KCNQ3: variants seen among roughly 807,000 people sequenced by gnomAD.
KCNQ3 encodes the protein potassium voltage-gated channel subfamily Q member 3.
KCNQ3 carries 30 observed loss-of-function variants against 92.5 expected under a neutral mutation model. The observed-to-expected ratio is 0.32, with a 90% confidence interval of 0.24 to 0.44. The LOEUF (loss-of-function observed/expected upper bound fraction) is 0.44, where lower values mean the gene tolerates loss of function less well. Ranked by LOEUF, KCNQ3 falls within the 20% of genes least tolerant of loss-of-function variation. KCNQ3 has a pLI of 1.00. For missense variants in KCNQ3, 913 were observed against 1,140.3 expected (o/e 0.80, Z 2.87); for synonymous variants, 450 against 468.8 (o/e 0.96, Z 0.52).
intron 1 of KCNQ3, among the ~76,000 whole-genome samples, chr8:132,283,286 C>T (rs1027447428): frequency 6.6e-6 from 1 of 152,014 alleles, no homozygotes; most frequent in Non-Finnish European, 1.5e-5. Context: ...GGTTCTCCAG[C>T]ATATAGTCCA....
At chr8:132,288,966 T>G (rs141676028) in intron 1 of KCNQ3, among the ~76,000 whole-genome samples, 7 of 152,322 alleles carry the variant, frequency 4.6e-5, no homozygotes, top group African/African-American at 1.7e-4. Context: ...TTATACTACA[T>G]GTGATACAAG....
chr8:132,454,366 G>A (rs1389271846), intron 1 of KCNQ3, among the ~76,000 whole-genome samples: 2 of 152,222 alleles, frequency 1.3e-5, no homozygotes, highest in Non-Finnish European at 2.9e-5. Context: ...TGTACAGTGT[G>A]CCCGGAGTGT....
chr8:132,348,170 C>T (rs1818753735), intron 1 of KCNQ3, among the ~76,000 whole-genome samples: 1 of 151,814 alleles, frequency 6.6e-6, no homozygotes, highest in Non-Finnish European at 1.5e-5. Context: ...CTCTAAGTCC[C>T]ACCCTAGGAG....
At chr8:132,387,677 A>G (rs1376084190) in intron 1 of KCNQ3, among the ~76,000 whole-genome samples, 1 of 152,182 alleles carries the variant, frequency 6.6e-6, no homozygotes, top group Non-Finnish European at 1.5e-5. Context: ...TCAGTAAATA[A>G]AGACCTCTTA....
chr8:132,264,798 T>C (rs1442493613), intron 1 of KCNQ3, among the ~76,000 whole-genome samples: 1 of 152,236 alleles, frequency 6.6e-6, no homozygotes, highest in African/African-American at 2.4e-5. Context: ...GGATAATAAC[T>C]TACAGGGTTT....
chr8:132,241,493 G>A (rs984024612), intron 1 of KCNQ3, among the ~76,000 whole-genome samples: 2 of 151,968 alleles, frequency 1.3e-5, no homozygotes, highest in Non-Finnish European at 2.9e-5. Context: ...TGTCTCCCAG[G>A]TTCTCCTACA....
chr8:132,231,495 CA>C (rs1814647336), intron 1 of KCNQ3, among the ~76,000 whole-genome samples: 1 of 152,110 alleles, frequency 6.6e-6, no homozygotes, highest in African/African-American at 2.4e-5. Context: ...AATAAAGACA[CA>C]AAGGTGATCC....
chr8:132,189,046 C>G (rs985804935), intron 1 of KCNQ3, among the ~76,000 whole-genome samples: 5 of 152,174 alleles, frequency 3.3e-5, no homozygotes, highest in African/African-American at 7.2e-5. Flanking sequence ...TATGATCTAG[C>G]CTTGCCCTCC....
chr8:132,157,794 C>T (rs1825850988), intron 9 of KCNQ3, among the ~76,000 whole-genome samples: 1 of 152,084 alleles, frequency 6.6e-6, no homozygotes, highest in South Asian at 2.1e-4. Flanking sequence ...GCCCCACATA[C>T]ATTAGGTATT....
At chr8:132,230,081 T>G (rs1414608354) in intron 1 of KCNQ3, among the ~76,000 whole-genome samples, 3 of 152,148 alleles carry the variant, frequency 2.0e-5, no homozygotes, top group Non-Finnish European at 4.4e-5. Context: ...TTTCTCTGCC[T>G]CAGGGCCATG....
At chr8:132,303,264 C>A (rs991163053) in intron 1 of KCNQ3, among the ~76,000 whole-genome samples, 9 of 151,982 alleles carry the variant, frequency 5.9e-5, no homozygotes, top group African/African-American at 2.2e-4. Flanking sequence ...ATTTGCAAAT[C>A]TTTTTCTTTG....
At chr8:132,217,240 G>A (rs940950166) in intron 1 of KCNQ3, among the ~76,000 whole-genome samples, 6 of 152,104 alleles carry the variant, frequency 3.9e-5, no homozygotes, top group Admixed American at 2.0e-4. Flanking sequence ...AGCACACCAC[G>A]GGAGAAGAGT....
At chr8:132,450,031 G>A (rs1439882595) in intron 1 of KCNQ3, among the ~76,000 whole-genome samples, 1 of 152,138 alleles carries the variant, frequency 6.6e-6, no homozygotes, top group East Asian at 1.9e-4. Context: ...CGTGGTGAGT[G>A]TTACAGCTCT....
chr8:132,360,308 C>T (rs768073345), intron 1 of KCNQ3, among the ~76,000 whole-genome samples: 1 of 152,316 alleles, frequency 6.6e-6, no homozygotes, highest in Non-Finnish European at 1.5e-5. Context: ...TTCTTCTATG[C>T]CCCCTTCACC....
intron 1 of KCNQ3, among the ~76,000 whole-genome samples, chr8:132,197,611 CTCTT>C (rs1437900713): frequency 6.6e-6 from 1 of 152,104 alleles, no homozygotes; most frequent in Non-Finnish European, 1.5e-5. Flanking sequence ...CAGATGTTTT[CTCTT>C]TCTTCTCCAG....
chr8:132,184,486 T>A, intron 2 of KCNQ3, 119 bp from the exon 3 acceptor site: 1 of 829,008 alleles, frequency 1.2e-6, no homozygotes, highest in Non-Finnish European at 1.9e-6. Context: ...GTTGTCTGGT[T>A]GGCAGGGATG....
chr8:132,444,006 G>A (rs1821607535), intron 1 of KCNQ3, among the ~76,000 whole-genome samples: 1 of 152,050 alleles, frequency 6.6e-6, no homozygotes, highest in South Asian at 2.1e-4. Context: ...CTTCTTATCA[G>A]AAACCCAAGA....
intron 1 of KCNQ3, among the ~76,000 whole-genome samples, chr8:132,321,033 C>A (rs1817879724): frequency 6.6e-6 from 1 of 152,234 alleles, no homozygotes; most frequent in African/African-American, 2.4e-5. Context: ...TAAGACAGGA[C>A]CTGGTCTTCA....
At chr8:132,334,371 G>C (rs1228189929) in intron 1 of KCNQ3, among the ~76,000 whole-genome samples, 1 of 152,018 alleles carries the variant, frequency 6.6e-6, no homozygotes, top group South Asian at 2.1e-4. Context: ...TACTCAGGGG[G>C]CTGAGGCAGG....
Sources: allele counts gnomAD v4.1 joint callset (sites outside exome capture counted in the v4.1 genomes callset), GRCh38; gene constraint gnomAD v4.1.1; transcripts MANE v1.5; gene names NCBI Gene and HGNC (gene_info 2026-07-23, HGNC 2026-07-21).